Variants in DPM1 observed in about 807,000 individuals in gnomAD.
DPM1 encodes the protein dolichyl-phosphate mannosyltransferase subunit 1, catalytic.
In DPM1, 27 loss-of-function variants were observed where a neutral mutation model predicts 39.0. The observed-to-expected ratio is 0.69, with a 90% confidence interval of 0.51 to 0.95. The LOEUF is 0.95. DPM1 is among the 40% of genes least tolerant of loss of function. The pLI is 0.00. For missense variants in DPM1, 307 were observed against 315.6 expected, an observed-to-expected ratio of 0.97 and a Z score of 0.21; for synonymous variants, 124 against 109.0, an observed-to-expected ratio of 1.14 and a Z score of -0.86.
At chr20:50,946,576 G>A (rs1009572077) in intron 3 of DPM1, among the ~76,000 whole-genome samples, 1 of 152,158 alleles carries the variant, frequency 6.6e-6, no homozygotes. Flanking sequence ...AACCTGGTAC[G>A]CTAGACCCTT....
intron 5 of DPM1, among the ~76,000 whole-genome samples, chr20:50,943,309 G>A (rs1193066626): frequency 6.6e-6 from 1 of 152,090 alleles, no homozygotes; most frequent in Non-Finnish European, 1.5e-5. Flanking sequence ...TGTTTCCATG[G>A]TGCCCTACCC....
At chr20:50,951,623 T>C (rs536395015) in intron 2 of DPM1, among the ~76,000 whole-genome samples, 1 of 152,176 alleles carries the variant, frequency 6.6e-6, no homozygotes, top group South Asian at 2.1e-4. Context: ...GCCCAGTCTC[T>C]ACTAAAAATA....
intron 7 of DPM1, among the ~76,000 whole-genome samples, chr20:50,936,488 G>GT (rs1401191184): frequency 2.0e-5 from 3 of 152,240 alleles, no homozygotes; most frequent in African/African-American, 7.2e-5. Context: ...TGAATTCTCA[G>GT]TTATCTTTTT....
chr20:50,948,759 A>T, intron 2 of DPM1, 97 bp from the exon 3 acceptor site: 6 of 1,102,834 alleles, frequency 5.4e-6, no homozygotes, highest in Non-Finnish European at 8.3e-6. Context: ...TTTAATAGAA[A>T]TATAGTTGCA....
chr20:50,943,987 G>A (rs1002989070), intron 5 of DPM1, among the ~76,000 whole-genome samples: 4 of 152,060 alleles, frequency 2.6e-5, no homozygotes, highest in Non-Finnish European at 4.4e-5. Context: ...TGATCCGCCC[G>A]CCTCGGCCCC....
chr20:50,946,268 C>T (rs913621637), intron 3 of DPM1, among the ~76,000 whole-genome samples: 5 of 152,206 alleles, frequency 3.3e-5, no homozygotes, highest in Non-Finnish European at 7.3e-5. Context: ...GTTTCCTTGG[C>T]ATCCCCCTAA....
intron 5 of DPM1, among the ~76,000 whole-genome samples, chr20:50,945,408 A>C (rs1986218100): frequency 6.6e-6 from 1 of 152,108 alleles, no homozygotes; most frequent in African/African-American, 2.4e-5. Context: ...AGGCATGATC[A>C]TAGCTCACTG....
chr20:50,939,098 C>T (rs1021624620), intron 7 of DPM1, among the ~76,000 whole-genome samples: 1 of 152,158 alleles, frequency 6.6e-6, no homozygotes, highest in African/African-American at 2.4e-5. Context: ...ATCCAGAACT[C>T]CCAGGCCATC....
chr20:50,944,422 T>C (rs1351109889), intron 5 of DPM1: 3 of 152,106 alleles, frequency 2.0e-5, no homozygotes, highest in Non-Finnish European at 4.4e-5. Flanking sequence ...TACGCAGAGA[T>C]TGAAGGATGA....
intron 2 of DPM1, 47 bp downstream of exon 2, chr20:50,955,139 C>A: frequency 7.3e-7 from 1 of 1,362,906 alleles, no homozygotes; most frequent in Non-Finnish European, 1.0e-6. Flanking sequence ...CATCTTTCCC[C>A]TACATAATCA....
intron 6 of DPM1, 71 bp from the exon 7 acceptor site, chr20:50,941,004 A>G: frequency 4.3e-6 from 6 of 1,389,126 alleles, no homozygotes; most frequent in Non-Finnish European, 6.1e-6. Context: ...ATCGAAGAAC[A>G]GTGTTAAAAT....
intron 3 of DPM1, among the ~76,000 whole-genome samples, chr20:50,946,277 A>G (rs1269417918): frequency 6.6e-6 from 1 of 152,206 alleles, no homozygotes; most frequent in East Asian, 1.9e-4. Flanking sequence ...GCATCCCCCT[A>G]AGACACTGAT....
intron 2 of DPM1, among the ~76,000 whole-genome samples, chr20:50,949,784 A>G (rs1986484259): frequency 6.7e-6 from 1 of 149,268 alleles, no homozygotes; most frequent in Non-Finnish European, 1.5e-5. Flanking sequence ...TTTTCACTAT[A>G]TGCAATCTGC....
In DPM1 at chr20:50,947,204, G is replaced by A. The variant is rs149489582; in HGVS notation, c.296-1281C>T. ...GCCTGGGCAAGAAGAGCGAAACTCC[G>A]TCTCAAACAAACAAAAATTAGCCGG... On this transcript the variant is annotated intron_variant, in intron 3 of 8. Transcript: ENST00000371588. 4.0e-5 allele frequency among the ~76,000 whole-genome samples: 6 copies of A among 151,152 alleles called. No homozygotes were observed. In the South Asian group the frequency reaches 6.3e-4, roughly 16 times the overall value.
At chr20:50,953,071 G>A (rs1431787440) in intron 2 of DPM1, among the ~76,000 whole-genome samples, 2 of 152,188 alleles carry the variant, frequency 1.3e-5, no homozygotes, top group Non-Finnish European at 2.9e-5. Flanking sequence ...AAAGCTGGAA[G>A]AAAATATGAC....
intron 2 of DPM1, among the ~76,000 whole-genome samples, chr20:50,951,238 C>A (rs188100636): frequency 2.6e-4 from 39 of 152,244 alleles, no homozygotes; most frequent in African/African-American, 8.9e-4. Flanking sequence ...TTATAATTTT[C>A]AGAATCTTCA....
At chr20:50,955,955 T>C (rs1342131282) in intron 1 of DPM1, among the ~76,000 whole-genome samples, 2 of 152,208 alleles carry the variant, frequency 1.3e-5, no homozygotes, top group African/African-American at 4.8e-5. Context: ...CTTTACATGG[T>C]AACTCAAACC....
At chr20:50,945,945 T>G (rs1986259600) in intron 3 of DPM1, 22 bp from the exon 4 acceptor site, 1 of 1,597,732 alleles carries the variant, frequency 6.3e-7, no homozygotes, top group Non-Finnish European at 8.6e-7. Context: ...AGTAGATCCA[T>G]TCAAGAAAAT....
At chr20:50,944,386 T>A (rs1309121522) in intron 5 of DPM1, 1 of 152,174 alleles carries the variant, frequency 6.6e-6, no homozygotes, top group African/African-American at 2.4e-5. Flanking sequence ...ACTGGAGATA[T>A]AACCAAAAAA....
Sources: allele counts gnomAD v4.1 joint callset (sites outside exome capture counted in the v4.1 genomes callset), GRCh38; gene constraint gnomAD v4.1.1; transcripts MANE v1.5; gene names NCBI Gene and HGNC (gene_info 2026-07-23, HGNC 2026-07-21).